The following SGMS2 variants were observed in gnomAD, a reference collection of about 807,000 sequenced individuals.
SGMS2 encodes the protein phosphatidylcholine:ceramide cholinephosphotransferase 2.
A neutral mutation model predicts 43.8 loss-of-function variants in SGMS2; 21 were observed. That is an observed-to-expected ratio of 0.48 (90% confidence interval 0.34 to 0.69). The LOEUF (loss-of-function observed/expected upper bound fraction) is 0.69, where lower values mean the gene tolerates loss of function less well. SGMS2 is among the 30% of genes least tolerant of loss of function. The pLI is 0.01. For missense variants in SGMS2, 384 were observed against 443.2 expected, an observed-to-expected ratio of 0.87 and a Z score of 1.20; for synonymous variants, 167 against 160.6, an observed-to-expected ratio of 1.04 and a Z score of -0.30.
At chr4:107,853,012 T>C (rs1239529761) in intron 1 of SGMS2, among the ~76,000 whole-genome samples, 1 of 152,218 alleles carries the variant, frequency 6.6e-6, no homozygotes, top group Non-Finnish European at 1.5e-5. Flanking sequence ...TATTTTCTTT[T>C]ATTGTGAAGG....
chr4:107,846,059 C>A (rs1425167683), intron 1 of SGMS2, among the ~76,000 whole-genome samples: 3 of 152,018 alleles, frequency 2.0e-5, no homozygotes, highest in Admixed American at 1.3e-4. Flanking sequence ...TGTATTTGAG[C>A]AAATTGTCAT....
At chr4:107,833,529 T>C (rs1253958096) in intron 1 of SGMS2, among the ~76,000 whole-genome samples, 2 of 152,142 alleles carry the variant, frequency 1.3e-5, no homozygotes, top group African/African-American at 4.8e-5. Context: ...ACATGATGGG[T>C]CGTAGTTAAA....
intron 2 of SGMS2, among the ~76,000 whole-genome samples, chr4:107,875,623 C>T (rs1289572396): frequency 6.6e-6 from 1 of 152,086 alleles, no homozygotes; most frequent in Non-Finnish European, 1.5e-5. Flanking sequence ...ACACATATAC[C>T]TGTGTAACAA....
At chr4:107,888,078 C>T (rs886134139) in intron 2 of SGMS2, among the ~76,000 whole-genome samples, 1 of 152,054 alleles carries the variant, frequency 6.6e-6, no homozygotes, top group African/African-American at 2.4e-5. Flanking sequence ...TCTCATACGC[C>T]CACCTCTTCC....
intron 2 of SGMS2, 52 bp from the exon 3 acceptor site, chr4:107,895,258 G>A (rs1216191319): frequency 9.1e-6 from 3 of 329,674 alleles, no homozygotes; most frequent in Non-Finnish European, 5.5e-6. Flanking sequence ...GTTTTGGATG[G>A]TTGACAGTTG....
At chr4:107,828,259 T>C (rs1725707174) in intron 1 of SGMS2, among the ~76,000 whole-genome samples, 2 of 152,162 alleles carry the variant, frequency 1.3e-5, no homozygotes, top group South Asian at 4.1e-4. Flanking sequence ...GTATTGATCT[T>C]ACTATGGGCC....
At chr4:107,899,734 C>T (rs750225805) in intron 4 of SGMS2, 42 bp downstream of exon 4, 2 of 1,364,914 alleles carry the variant, frequency 1.5e-6, no homozygotes, top group East Asian at 2.3e-5. Flanking sequence ...ATCAGGCAAA[C>T]AGTTATTGAT....
chr4:107,882,937 T>C (rs983777749), intron 2 of SGMS2, among the ~76,000 whole-genome samples: 7 of 152,210 alleles, frequency 4.6e-5, no homozygotes, highest in African/African-American at 1.7e-4. Context: ...TTTTGATCAA[T>C]GTTTTGCATC....
rs1732272665 is a variant in SGMS2, at chr4:107,913,791, A to G, written c.*3238A>G. 1 of 152,154 alleles carries G rather than the reference A, an allele frequency of 6.6e-6. No homozygotes were observed. The highest frequency in any genetic ancestry group is 1.5e-5 in the Non-Finnish European group (1 of 68,022). The allele number at this position is 152,154 out of a possible 1,614,324, so 9.4% of individuals were successfully genotyped here. On this transcript the variant is annotated 3_prime_UTR_variant, in exon 7 of 7. Transcript: ENST00000690982. ...ACGACCTATGTTTTGTTTACTTTGAAACACCAAATTTGTTGTCTTGGTTTT... is the reference window on the plus strand; with the variant it reads ...ACGACCTATGTTTTGTTTACTTTGAGACACCAAATTTGTTGTCTTGGTTTT...
chr4:107,870,963 T>C (rs1046195343), intron 2 of SGMS2, among the ~76,000 whole-genome samples: 17 of 152,238 alleles, frequency 1.1e-4, no homozygotes, highest in Non-Finnish European at 1.5e-5. Context: ...TTTAGCTTCC[T>C]AATGCTAATT....
rs905870625 is a variant in SGMS2, at chr4:107,907,888, A to G, written c.728-677A>G. Reference sequence around the variant, plus strand: ...TCATGTTTAAACCAGTGAGTGCCACAGTTGTCTCTTACAGCTAGTAAGTAG... The same window carrying G: ...TCATGTTTAAACCAGTGAGTGCCACGGTTGTCTCTTACAGCTAGTAAGTAG... On this transcript the variant is annotated intron_variant, in intron 5 of 6. Transcript: ENST00000690982. The G allele has an allele frequency of 1.3e-5, 2 of 152,232 alleles. 1 individual carries two copies. Among genetic ancestry groups the G allele is most frequent in the East Asian group, 3.8e-4 (2 of 5,196 alleles). 9.4% of individuals were successfully genotyped at this position (152,232 alleles called of 1,614,324 possible). A position where few individuals can be genotyped will look rare whatever the true frequency, so the allele number is the denominator to read the frequency against.
intron 1 of SGMS2, among the ~76,000 whole-genome samples, chr4:107,856,859 T>C (rs1727460210): frequency 6.6e-6 from 1 of 152,240 alleles, no homozygotes; most frequent in Non-Finnish European, 1.5e-5. Context: ...TTTACAACAG[T>C]TGCACTGAGA....
chr4:107,838,813 T>G (rs996689966), intron 1 of SGMS2, among the ~76,000 whole-genome samples: 1 of 152,204 alleles, frequency 6.6e-6, no homozygotes, highest in African/African-American at 2.4e-5. Flanking sequence ...TATCATCTGC[T>G]ACTGTGTTCT....
At position 107,895,482 on chromosome 4, in the gene SGMS2, T is replaced by C. The variant is rs1446524782; in HGVS notation, c.-72T>C. On this transcript the variant is annotated 5_prime_UTR_variant, in exon 3 of 7. Transcript: ENST00000690982. ...CATGTTGATCTTGGAAATAGAAGGA[T>C]TGAAAAAAGCTAAATTTCCACAAAG... The C allele has an allele frequency of 6.8e-7, 1 of 1,462,296 alleles. No individual in the cohort carries two copies. Among genetic ancestry groups the C allele is most frequent in the African/African-American group, 1.4e-5 (1 of 70,482 alleles). The allele number at this position is 1,462,296 out of a possible 1,614,324, so 90.6% of individuals were successfully genotyped here. A position where few individuals can be genotyped will look rare whatever the true frequency, so the allele number is the denominator to read the frequency against.
At position 107,895,758 on chromosome 4, in the gene SGMS2, A is replaced by G. The variant is rs767825974; in HGVS notation, c.205A>G (p.Arg69Gly). Reference sequence around the variant, plus strand: ...CCAAATTGCTATGCCCACTGAATCAAGGAACAAATTTCCACTAGAGTGGTG... The same window carrying G: ...CCAAATTGCTATGCCCACTGAATCAGGGAACAAATTTCCACTAGAGTGGTG... Reference protein sequence around the residue: ...YIQIAMPTESRNKFPLEWWKT... With the variant: ...YIQIAMPTESGNKFPLEWWKT... Residue 69 changes from arginine to glycine, a missense_variant, in exon 3 of 7, where the codon AGG (arginine) becomes GGG (glycine). Arg to Gly is a moderately radical substitution (Grantham distance 125). Coordinates refer to ENST00000690982, the MANE Select transcript of SGMS2 (RefSeq NM_001375905.1). 9 of 1,613,992 alleles carry G rather than the reference A, an allele frequency of 5.6e-6. No individual in the cohort carries two copies. In the East Asian group the frequency reaches 2.0e-4, roughly 36 times the overall value.
intron 2 of SGMS2, among the ~76,000 whole-genome samples, chr4:107,885,687 T>G (rs183308953): frequency 2.0e-5 from 3 of 152,228 alleles, no homozygotes; most frequent in African/African-American, 7.2e-5. Flanking sequence ...AGGCAGGTAA[T>G]GACTAAAAGG....
intron 5 of SGMS2, among the ~76,000 whole-genome samples, chr4:107,905,379 C>T (rs753007545): frequency 6.6e-6 from 1 of 152,178 alleles, no homozygotes; most frequent in Non-Finnish European, 1.5e-5. Context: ...CCAGGTCCCT[C>T]CCACAGCACA....
chr4:107,897,140 GT>G (rs1206014333), intron 3 of SGMS2, among the ~76,000 whole-genome samples: 1 of 152,138 alleles, frequency 6.6e-6, no homozygotes, highest in African/African-American at 2.4e-5. Flanking sequence ...CCCTAACACT[GT>G]TACTGTTTTG....
intron 4 of SGMS2, among the ~76,000 whole-genome samples, chr4:107,901,078 G>A (rs983092694): frequency 6.6e-6 from 1 of 152,146 alleles, no homozygotes; most frequent in African/African-American, 2.4e-5. Flanking sequence ...CAGAAAGAAA[G>A]TAAATTAAAG....
Sources: allele counts gnomAD v4.1 joint callset (sites outside exome capture counted in the v4.1 genomes callset), GRCh38; gene constraint gnomAD v4.1.1; transcripts MANE v1.5; gene names NCBI Gene and HGNC (gene_info 2026-07-23, HGNC 2026-07-21).